Variants in GALNT13 observed in about 807,000 individuals in gnomAD.
GALNT13 encodes the protein polypeptide N-acetylgalactosaminyltransferase 13, also known as UDP-GalNAc:polypeptide N-acetylgalactosaminyltransferase 13.
Under a neutral mutation model 64.2 loss-of-function variants are expected in GALNT13, and 28 were observed. The ratio of observed to expected loss-of-function variants is 0.44; its 90% CI spans 0.32 to 0.60. The LOEUF (loss-of-function observed/expected upper bound fraction) is 0.60. Ranked by LOEUF, GALNT13 falls within the 20% of genes least tolerant of loss-of-function variation. GALNT13 has a pLI of 0.05. For missense variants in GALNT13, 577 were observed against 669.8 expected (o/e 0.86, Z 1.53); for synonymous variants, 214 against 224.6 (o/e 0.95, Z 0.42).
chr2:153,097,723 C>A, the GALNT13 span, among the ~76,000 whole-genome samples: 1 of 152,050 alleles, frequency 6.6e-6, no homozygotes, highest in South Asian at 2.1e-4. Context: ...ACCATTCTTT[C>A]CTAATTTTTG....
At chr2:153,265,521 T>C in the GALNT13 span, among the ~76,000 whole-genome samples, 1 of 152,190 alleles carries the variant, frequency 6.6e-6, no homozygotes, top group Non-Finnish European at 1.5e-5. Context: ...AGATTCTCTC[T>C]TTGTGCCACA....
chr2:153,409,050 G>C, the GALNT13 span, among the ~76,000 whole-genome samples: 10 of 152,130 alleles, frequency 6.6e-5, no homozygotes, highest in South Asian at 2.1e-3. Flanking sequence ...CAAGTTCTTC[G>C]GCTTTTAGGC....
the GALNT13 span, among the ~76,000 whole-genome samples, chr2:153,436,678 T>G: frequency 1.3e-5 from 2 of 152,120 alleles, no homozygotes; most frequent in Non-Finnish European, 2.9e-5. Context: ...GGTGATATCC[T>G]CTTTATCATT....
chr2:154,403,042 C>G (rs1023641097), intron 10 of GALNT13, among the ~76,000 whole-genome samples: 6 of 152,086 alleles, frequency 3.9e-5, no homozygotes, highest in Non-Finnish European at 8.8e-5. Flanking sequence ...GACAATATAG[C>G]AGATGCCTAC....
the GALNT13 span, among the ~76,000 whole-genome samples, chr2:153,399,853 A>G: frequency 1.1e-4 from 16 of 151,802 alleles, no homozygotes; most frequent in African/African-American, 2.4e-4. Context: ...CTAGATATAC[A>G]ATCATGTCGT....
rs115153995 is a variant in GALNT13 at position 154,331,241 on chromosome 2, G to T, written c.1156+29652G>T. 2.6e-5 allele frequency among the ~76,000 whole-genome samples: 4 copies of T among 152,020 alleles called. No homozygotes were observed. In the South Asian group the frequency reaches 8.3e-4, roughly 32 times the overall value. ...GTGGCAACAAGCTGAAAAGATTATC[G>T]TCTGAAATAATCTCCACTAAAAAAA... is the stretch of plus-strand genomic sequence containing the variant. On this transcript the variant is annotated intron_variant, in intron 9 of 12. Transcript: ENST00000392825.
At chr2:153,235,333 C>G in the GALNT13 span, among the ~76,000 whole-genome samples, 1 of 152,056 alleles carries the variant, frequency 6.6e-6, no homozygotes, top group South Asian at 2.1e-4. Flanking sequence ...TATTACAAAG[C>G]AAAAGTACAC....
chr2:154,383,135 T>C (rs1698353272), intron 9 of GALNT13, among the ~76,000 whole-genome samples: 1 of 151,940 alleles, frequency 6.6e-6, no homozygotes. Flanking sequence ...TCATCTGGTA[T>C]ACAACAGAAG....
At chr2:154,018,806 T>G (rs1697215455) in intron 3 of GALNT13, among the ~76,000 whole-genome samples, 2 of 142,592 alleles carry the variant, frequency 1.4e-5, no homozygotes, top group African/African-American at 2.6e-5. Context: ...GGGACGGGGA[T>G]GAAGGAGAGT....
chr2:154,357,169 A>G (rs1043306672), intron 9 of GALNT13, among the ~76,000 whole-genome samples: 1 of 152,056 alleles, frequency 6.6e-6, no homozygotes, highest in Non-Finnish European at 1.5e-5. Flanking sequence ...GCATCTACAC[A>G]TTAAAGACAT....
At chr2:154,259,213 T>G (rs555824711) in intron 8 of GALNT13, 75 bp downstream of exon 8, 1 of 800,618 alleles carries the variant, frequency 1.2e-6, no homozygotes, top group Admixed American at 2.5e-5. Flanking sequence ...CCCAGTAATT[T>G]ACTGTCAAAT....
At chr2:154,419,801 C>A (rs1700173857) in intron 11 of GALNT13, among the ~76,000 whole-genome samples, 1 of 152,004 alleles carries the variant, frequency 6.6e-6, no homozygotes, top group Non-Finnish European at 1.5e-5. Context: ...GGGAAGGACA[C>A]CAGACCAAAT....
chr2:153,378,088 T>C, the GALNT13 span, among the ~76,000 whole-genome samples: 1 of 152,286 alleles, frequency 6.6e-6, no homozygotes, highest in East Asian at 1.9e-4. Context: ...AATTCAGGGA[T>C]AAAGTATGGA....
the GALNT13 span, among the ~76,000 whole-genome samples, chr2:153,622,785 C>T: frequency 3.3e-5 from 5 of 152,120 alleles, no homozygotes; most frequent in Admixed American, 3.3e-4. Context: ...CCATAATGAG[C>T]TCACTGGTAA....
chr2:153,846,960 G>A, the GALNT13 span, among the ~76,000 whole-genome samples: 107,690 of 151,918 alleles, frequency 0.71, 39,919 homozygotes, highest in Non-Finnish European at 0.81. Flanking sequence ...TTCTAGAATG[G>A]ACATACAAAT....
intron 1 of GALNT13, among the ~76,000 whole-genome samples, chr2:153,886,030 A>G (rs1457188758): frequency 2.6e-5 from 4 of 152,010 alleles, no homozygotes; most frequent in African/African-American, 9.7e-5. Flanking sequence ...AAAGAGAGAG[A>G]AATGAGGAAG....
chr2:153,430,232 T>G, the GALNT13 span, among the ~76,000 whole-genome samples: 3 of 152,050 alleles, frequency 2.0e-5, no homozygotes, highest in African/African-American at 7.2e-5. Flanking sequence ...AAGAAACAAA[T>G]GGAGGCATAA....
chr2:153,320,579 T>G, the GALNT13 span, among the ~76,000 whole-genome samples: 1 of 152,222 alleles, frequency 6.6e-6, no homozygotes, highest in South Asian at 2.1e-4. Flanking sequence ...AAACATTTGC[T>G]TATGGACTAA....
chr2:153,721,967 T>A, the GALNT13 span, among the ~76,000 whole-genome samples: 11 of 148,828 alleles, frequency 7.4e-5, no homozygotes, highest in Non-Finnish European at 1.5e-4. Context: ...CTAATAGACA[T>A]CTACAGAACT....
Sources: gnomAD v4.1 joint callset for allele counts (sites outside exome capture counted in the v4.1 genomes callset) on GRCh38, gnomAD v4.1.1 for gene constraint, MANE v1.5 for transcripts, NCBI Gene and HGNC (gene_info 2026-07-23, HGNC 2026-07-21) for gene names.